The following LRRTM4 variants were observed in gnomAD, a reference collection of about 807,000 sequenced individuals.
LRRTM4 encodes leucine rich repeat transmembrane neuronal 4.
In LRRTM4, 25 loss-of-function variants were observed where a neutral mutation model predicts 47.6. The ratio of observed to expected loss-of-function variants is 0.53; its 90% CI spans 0.38 to 0.73. The LOEUF (loss-of-function observed/expected upper bound fraction) is 0.73. Ranked by LOEUF, LRRTM4 falls within the 30% of genes least tolerant of loss-of-function variation. LRRTM4 has a pLI of 0.00. For missense variants in LRRTM4, 638 were observed against 713.4 expected (o/e 0.89, Z 1.20); for synonymous variants, 311 against 269.5 (o/e 1.15, Z -1.51).
chr2:76,853,889 A>G (rs1209642183), intron 3 of LRRTM4, among the ~76,000 whole-genome samples: 1 of 152,210 alleles, frequency 6.6e-6, no homozygotes, highest in African/African-American at 2.4e-5. Context: ...TGTTCTCTCA[A>G]TGCCAAAATG....
At chr2:77,334,591 T>A (rs1271630610) in intron 3 of LRRTM4, among the ~76,000 whole-genome samples, 1 of 152,206 alleles carries the variant, frequency 6.6e-6, no homozygotes, top group Non-Finnish European at 1.5e-5. Context: ...CCACCATTAT[T>A]GTGAGGCATC....
chr2:76,916,233 A>T (rs1674239692), intron 3 of LRRTM4, among the ~76,000 whole-genome samples: 1 of 151,932 alleles, frequency 6.6e-6, no homozygotes, highest in African/African-American at 2.4e-5. Flanking sequence ...ATGGTCCAAA[A>T]AATTAGCCGG....
intron 3 of LRRTM4, among the ~76,000 whole-genome samples, chr2:77,330,225 G>A (rs1316546857): frequency 6.6e-6 from 1 of 152,154 alleles, no homozygotes; most frequent in Non-Finnish European, 1.5e-5. Flanking sequence ...TTTGTTCAGT[G>A]CAGAATAGGC....
rs141887561 is a variant in LRRTM4, at chr2:77,265,843, A to G, written c.1551+252475T>C. On this transcript the variant is annotated intron_variant, in intron 3 of 3. Transcript: ENST00000409884. ...AAACTATGTTATATTAGAATAGTTG[A>G]TTATTTTAGAAAAAAATGCAGTCAG... 2.4e-3 allele frequency among the ~76,000 whole-genome samples: 368 copies of G among 152,322 alleles called. 1 individual carries two copies. The highest frequency in any genetic ancestry group is 8.1e-3 in the African/African-American group (335 of 41,592).
chr2:77,156,050 T>A (rs1240173361), intron 3 of LRRTM4, among the ~76,000 whole-genome samples: 2 of 151,844 alleles, frequency 1.3e-5, no homozygotes, highest in East Asian at 1.9e-4. Flanking sequence ...TTTAAAAAAA[T>A]TAAAAGAGAA....
chr2:77,408,445 C>T (rs936735234), intron 3 of LRRTM4, among the ~76,000 whole-genome samples: 1 of 152,142 alleles, frequency 6.6e-6, no homozygotes, highest in African/African-American at 2.4e-5. Context: ...CATTAAAACA[C>T]GCTGCTTCTA....
At chr2:76,859,085 T>A (rs1672238868) in intron 3 of LRRTM4, among the ~76,000 whole-genome samples, 3 of 152,182 alleles carry the variant, frequency 2.0e-5, no homozygotes, top group Admixed American at 2.0e-4. Flanking sequence ...TAGCTATATT[T>A]TCCAAATCAG....
At chr2:76,979,076 G>A (rs1467236202) in intron 3 of LRRTM4, among the ~76,000 whole-genome samples, 1 of 151,972 alleles carries the variant, frequency 6.6e-6, no homozygotes, top group Non-Finnish European at 1.5e-5. Context: ...GATGCTAAGT[G>A]GTCAATGAGG....
At chr2:77,183,622 A>C (rs990921017) in intron 3 of LRRTM4, among the ~76,000 whole-genome samples, 26 of 152,220 alleles carry the variant, frequency 1.7e-4, no homozygotes, top group African/African-American at 6.0e-4. Flanking sequence ...CTATAAAGAT[A>C]CATGCACACG....
chr2:77,503,171 T>C (rs1678640271), intron 3 of LRRTM4, among the ~76,000 whole-genome samples: 2 of 151,478 alleles, frequency 1.3e-5, no homozygotes, highest in South Asian at 2.1e-4. Flanking sequence ...ACCTTGCCTG[T>C]AGCAGAGAAA....
chr2:76,806,994 C>T (rs973916056), intron 3 of LRRTM4, among the ~76,000 whole-genome samples: 7 of 152,060 alleles, frequency 4.6e-5, no homozygotes, highest in African/African-American at 1.7e-4. Flanking sequence ...GAGACATCAA[C>T]AAATTATCAG....
intron 3 of LRRTM4, among the ~76,000 whole-genome samples, chr2:76,837,734 C>T (rs1193736493): frequency 2.6e-5 from 4 of 152,142 alleles, no homozygotes; most frequent in Non-Finnish European, 5.9e-5. Context: ...GGCACATATA[C>T]ACCATGGAAT....
chr2:76,760,827 T>C (rs1464427184), intron 3 of LRRTM4, among the ~76,000 whole-genome samples: 1 of 152,202 alleles, frequency 6.6e-6, no homozygotes, highest in African/African-American at 2.4e-5. Context: ...CTTTCTCAGC[T>C]GCTGCTGAAA....
Position 76,833,271 on chromosome 2 carries a change from G to A in LRRTM4, c.1552-84355C>T, listed in dbSNP as rs549311554. Among the ~76,000 whole-genome samples the A allele has an allele frequency of 6.4e-4, 98 of 152,154 alleles. No individual in the cohort carries two copies. The South Asian group carries it at 0.016, about 25-fold the overall frequency. On this transcript the variant is annotated intron_variant, in intron 3 of 3. Transcript: ENST00000409884. ...CTATTTTCCTTTAAAAGAATCCTCC[G>A]TGACTTATCCATCTATATCCGTGCT...
chr2:77,130,543 G>A (rs1261482438), intron 3 of LRRTM4, among the ~76,000 whole-genome samples: 2 of 151,448 alleles, frequency 1.3e-5, no homozygotes, highest in African/African-American at 4.9e-5. Flanking sequence ...ATGGACTCTC[G>A]CTCTGTTGCC....
chr2:77,057,413 T>G (rs866835816), intron 3 of LRRTM4, among the ~76,000 whole-genome samples: 35 of 152,140 alleles, frequency 2.3e-4, no homozygotes, highest in African/African-American at 8.0e-4. Context: ...CAAGCTAAAC[T>G]AATTAATTGG....
intron 3 of LRRTM4, among the ~76,000 whole-genome samples, chr2:77,025,319 A>G (rs1049724542): frequency 2.6e-5 from 4 of 152,156 alleles, no homozygotes; most frequent in African/African-American, 7.2e-5. Context: ...GTTTATCACA[A>G]TATCTGATCT....
At chr2:76,934,116 C>T (rs551023372) in intron 3 of LRRTM4, among the ~76,000 whole-genome samples, 4 of 152,278 alleles carry the variant, frequency 2.6e-5, no homozygotes, top group African/African-American at 4.8e-5. Context: ...AAGAACCTTA[C>T]TCTGCAGAAA....
chr2:77,063,215 C>G (rs1020973182), intron 3 of LRRTM4, among the ~76,000 whole-genome samples: 1 of 152,162 alleles, frequency 6.6e-6, no homozygotes, highest in Non-Finnish European at 1.5e-5. Context: ...ACCTCGGCCT[C>G]CCCAAGTGCT....
Sources: gnomAD v4.1 joint callset for allele counts (sites outside exome capture counted in the v4.1 genomes callset) on GRCh38, gnomAD v4.1.1 for gene constraint, MANE v1.5 for transcripts, NCBI Gene and HGNC (gene_info 2026-07-23, HGNC 2026-07-21) for gene names.